FBN3: variants seen among roughly 807,000 people sequenced by gnomAD.
FBN3 encodes fibrillin 3, also known as fibrillin-3.
Under a neutral mutation model 330.1 loss-of-function variants are expected in FBN3, and 234 were observed. That is an observed-to-expected ratio of 0.71 (90% CI 0.64 to 0.79). The LOEUF is 0.79. FBN3 is among the 30% of genes least tolerant of loss of function. The pLI, the probability that FBN3 is intolerant of heterozygous loss-of-function variation, is 0.00. For missense variants in FBN3, 3,606 were observed against 3,886.9 expected, an observed-to-expected ratio of 0.93 and a Z score of 1.92; for synonymous variants, 1,458 against 1,517.3, an observed-to-expected ratio of 0.96 and a Z score of 0.91.
chr19:8,112,034 C>G lies in FBN3; in HGVS notation c.3904G>C (p.Gly1302Arg). 1 of 1,612,960 alleles carries G rather than the reference C, an allele frequency of 6.2e-7. No homozygotes were observed. Among genetic ancestry groups the G allele is most frequent in the East Asian group, 2.2e-5 (1 of 44,810 alleles). ...DSHASCLNIP[G>R]SFSCRCLPGW... ...GGCAGGCACCTACAGCTGAAACTCC[C>G]CGGGATGTTGAGACAGGAGGCGTGA... is the stretch of plus-strand genomic sequence containing the variant. The change falls in exon 31 of 64, where the codon GGG becomes CGG. Residue 1302 changes from glycine (G) to arginine (R), a missense_variant. Physicochemically the swap from Gly to Arg is moderately radical, Grantham distance 125 (BLOSUM62 -2). Transcript: ENST00000600128.
Position 8,126,787 on chromosome 19 carries a change from C to T in FBN3, c.2342G>A (p.Arg781Gln), listed in dbSNP as rs367947634. 2.2e-5 allele frequency: 35 copies of T among 1,590,184 alleles called. No individual in the cohort carries two copies. Among genetic ancestry groups the T allele is most frequent in the Non-Finnish European group, 2.9e-5 (34 of 1,169,988 alleles). The part of the protein sequence containing the change: ...LSSPCVSGVC[R>Q]NLAGSYTCKC... Reference sequence around the variant, plus strand: ...GCAGGTGTAGGAGCCGGCCAGGTTCCGACAGACGCCACTCACACACGGGCT... The same window carrying T: ...GCAGGTGTAGGAGCCGGCCAGGTTCTGACAGACGCCACTCACACACGGGCT... Residue 781 changes from arginine (R) to glutamine (Q), a missense_variant, in exon 19 of 64, where the codon CGG becomes CAG. Physicochemically the swap from Arg to Gln is conservative, Grantham distance 43. Coordinates refer to ENST00000600128, the MANE Select transcript of FBN3 (RefSeq NM_032447.5).
At position 8,135,403 on chromosome 19, in the gene FBN3, G is replaced by A. The variant is rs904181837; in HGVS notation, c.1591+558C>T. On this transcript the variant is annotated intron_variant, in intron 13 of 63. Transcript: ENST00000600128. ...GGCAATTCTCCTGCCTCAGCCTCCC[G>A]AGTAGCTGGGATTACAGGTGTCTGC... Among the ~76,000 whole-genome samples, 8 of 151,332 alleles carry A rather than the reference G, an allele frequency of 5.3e-5. No individual in the cohort carries two copies. The South Asian group carries it at 6.3e-4, about 12-fold the overall frequency.
intron 40 of FBN3, 76 bp from the exon 41 acceptor site, chr19:8,101,048 C>T (rs1205743686): frequency 8.0e-7 from 1 of 1,244,542 alleles, no homozygotes; most frequent in Non-Finnish European, 1.1e-6. Flanking sequence ...GAGGGGACAC[C>T]TCATCCCTGG....
chr19:8,135,942 C>G lies in FBN3; in HGVS notation c.1591+19G>C. 3 of 466,752 alleles carry G rather than the reference C, an allele frequency of 6.4e-6. No individual in the cohort carries two copies. The highest frequency in any genetic ancestry group is 1.2e-5 in the Non-Finnish European group (3 of 243,062). 28.9% of individuals were successfully genotyped at this position (466,752 alleles called of 1,614,324 possible). On this transcript the variant is annotated intron_variant, in intron 13 of 63. Transcript: ENST00000600128. ...GTGGGGCCCGGAAGCCCCTGCCCAC[C>G]CGCCCACCCCCAACTCACCCACACA...
intron 30 of FBN3, 92 bp from the exon 31 acceptor site, chr19:8,112,191 T>C: frequency 7.4e-7 from 1 of 1,349,272 alleles, no homozygotes; most frequent in South Asian, 1.4e-5. Flanking sequence ...TCTTCCTCTC[T>C]AGGGGAGAGC....
intron 6 of FBN3, 120 bp from the exon 7 acceptor site, chr19:8,142,257 C>T (rs910336083): frequency 1.4e-5 from 10 of 735,134 alleles, no homozygotes; most frequent in Non-Finnish European, 2.2e-5. Flanking sequence ...TTATGCTGCT[C>T]CCTTACTAAA....
Position 8,085,456 on chromosome 19 carries a change from A to T in FBN3, c.6994T>A (p.Trp2332Arg). Residue 2332 changes from tryptophan (W) to arginine (R), a missense_variant, in exon 56 of 64, where the codon TGG becomes AGG. Transcript: ENST00000600128. ...AECCCGGGRGWGPRCELCPLP... is the reference protein window; with the variant it reads ...AECCCGGGRGRGPRCELCPLP... ...GGACAGAGCTCGCAGCGGGGCCCCC[A>T]GCCCCGGCCACCCCCACAGCAGCAC... is the stretch of plus-strand genomic sequence containing the variant. 1.3e-6 allele frequency: 2 copies of T among 1,576,274 alleles called. No individual in the cohort carries two copies. The highest frequency in any genetic ancestry group is 4.6e-5 in the East Asian group (2 of 43,042).
intron 51 of FBN3, among the ~76,000 whole-genome samples, chr19:8,088,559 G>C (rs921496475): frequency 1.1e-4 from 17 of 152,198 alleles, no homozygotes; most frequent in African/African-American, 4.1e-4. Context: ...AAATGAGTAA[G>C]TGAATGAATG....
Position 8,089,969 on chromosome 19 carries a change from GA to G in FBN3, c.6185-11del. ...AGCTCCTGAAAGGCAGCTGGACGGA[GA>G]GGGGGAGGGGAGTCAGAGTCAGGGC... On this transcript the variant is annotated splice_polypyrimidine_tract_variant and intron_variant, in intron 49 of 63. Transcript: ENST00000600128. 1 of 1,609,092 alleles carries G rather than the reference GA, an allele frequency of 6.2e-7. No individual in the cohort carries two copies. Among genetic ancestry groups the G allele is most frequent in the East Asian group, 2.2e-5 (1 of 44,860 alleles).
chr19:8,116,939 C>A, intron 28 of FBN3, 140 bp from the exon 29 acceptor site: 1 of 1,205,884 alleles, frequency 8.3e-7, no homozygotes, highest in Non-Finnish European at 1.2e-6. Context: ...GGCGCTCAAG[C>A]AGTTCTGAGG....
At chr19:8,082,380 CTTCT>C (rs892984582) in intron 57 of FBN3, among the ~76,000 whole-genome samples, 27 of 138,170 alleles carry the variant, frequency 2.0e-4, no homozygotes, top group African/African-American at 8.1e-4. Context: ...CTTTCTTTCT[CTTCT>C]TTCTTCTCTT....
intron 30 of FBN3, among the ~76,000 whole-genome samples, chr19:8,112,302 C>A (rs944636054): frequency 6.6e-6 from 1 of 152,030 alleles, no homozygotes; most frequent in African/African-American, 2.4e-5. Context: ...TCTCAGCAGC[C>A]CTCAGAAATG....
At chr19:8,114,765 G>A (rs369138661) in intron 30 of FBN3, among the ~76,000 whole-genome samples, 197 of 151,034 alleles carry the variant, frequency 1.3e-3, no homozygotes, top group African/African-American at 4.5e-3. Flanking sequence ...TTTTTGAGAC[G>A]GAGTCTGGCT....
At chr19:8,107,787 A>G (rs1011018062) in intron 37 of FBN3, among the ~76,000 whole-genome samples, 4 of 144,124 alleles carry the variant, frequency 2.8e-5, no homozygotes, top group Non-Finnish European at 4.5e-5. Context: ...GATGTACTGG[A>G]TGGATGGAAA....
Position 8,149,171 on chromosome 19 carries a change from G to A in FBN3, c.-18+278C>T, listed in dbSNP as rs1232097209. Among the ~76,000 whole-genome samples the A allele has an allele frequency of 6.6e-6, 1 of 151,928 alleles. No homozygotes were observed. Among genetic ancestry groups the A allele is most frequent in the Non-Finnish European group, 1.5e-5 (1 of 67,938 alleles). On this transcript the variant is annotated intron_variant, in intron 1 of 63. Transcript: ENST00000600128. This position sits in a 1 kb window ranked among gnomAD's most constrained non-coding sequence, Gnocchi z 5.5. ...CGCGGGGCGCGATCTCCACCCGGCA[G>A]GGCCCCCGGCCGCGACCACGCTTGG...
Position 8,073,051 on chromosome 19 carries a change from C to A in FBN3, c.7937+12G>T, listed in dbSNP as rs748667763. 6.3e-7 allele frequency: 1 copy of A among 1,590,876 alleles called. No homozygotes were observed. Among genetic ancestry groups the A allele is most frequent in the Non-Finnish European group, 8.6e-7 (1 of 1,166,078 alleles). ...GGGCATGGAGTCTGCTTGCCCCACT[C>A]CAGCCTCTCACCCTTGCCCAGCCCG... On this transcript the variant is annotated intron_variant, in intron 62 of 63. Transcript: ENST00000600128.
intron 53 of FBN3, 96 bp from the exon 54 acceptor site, chr19:8,087,307 G>T: frequency 7.4e-7 from 1 of 1,346,518 alleles, no homozygotes; most frequent in Non-Finnish European, 9.9e-7. Context: ...TGGGACCTGA[G>T]TGAGTTCCCT....
chr19:8,078,153 A>G (rs770848186), intron 59 of FBN3, among the ~76,000 whole-genome samples: 27 of 152,230 alleles, frequency 1.8e-4, no homozygotes, highest in Non-Finnish European at 3.5e-4. Context: ...ACCAAGTGTC[A>G]GGCTGGCCTA....
intron 63 of FBN3, among the ~76,000 whole-genome samples, chr19:8,067,129 CT>C (rs1029572620): frequency 2.2e-3 from 298 of 135,180 alleles, no homozygotes; most frequent in African/African-American, 4.3e-3. Context: ...TCTTCTTTTT[CT>C]TTTTTTTTTT....
Sources: gnomAD v4.1 joint callset for allele counts (sites outside exome capture counted in the v4.1 genomes callset) on GRCh38, gnomAD v4.1.1 for gene constraint, Gnocchi (gnomAD v3.1) non-coding constraint, MANE v1.5 for transcripts, NCBI Gene and HGNC (gene_info 2026-07-23, HGNC 2026-07-21) for gene names.